Variants in ZNF385D observed in about 807,000 individuals in gnomAD.
ZNF385D encodes zinc finger protein 659.
Under a neutral mutation model 35.8 loss-of-function variants are expected in ZNF385D, and 15 were observed. The observed-to-expected ratio is 0.42, with a 90% CI of 0.28 to 0.64. ZNF385D has a LOEUF of 0.64. Among genes scored for constraint, ZNF385D ranks in the 30% least tolerant of loss-of-function variants. ZNF385D has a pLI of 0.23. For synonymous variants in ZNF385D, 212 were observed against 186.8 expected (o/e 1.13, Z -1.10); for missense variants, 474 against 494.6 (o/e 0.96, Z 0.39).
At chr3:21,729,205 A>C (rs1369408073) in intron 1 of ZNF385D, among the ~76,000 whole-genome samples, 2 of 152,172 alleles carry the variant, frequency 1.3e-5, no homozygotes, top group Non-Finnish European at 2.9e-5. Flanking sequence ...CAAAGTTACA[A>C]GGATTCAAGT....
intron 3 of ZNF385D, among the ~76,000 whole-genome samples, chr3:22,149,632 C>T (rs1429695580): frequency 1.3e-5 from 2 of 152,154 alleles, no homozygotes; most frequent in African/African-American, 4.8e-5. Context: ...AATTCAACTA[C>T]TTGGGTCCAT....
intron 3 of ZNF385D, among the ~76,000 whole-genome samples, chr3:21,900,476 AAAAC>A (rs1699346554): frequency 6.6e-6 from 1 of 152,154 alleles, no homozygotes; most frequent in South Asian, 2.1e-4. Flanking sequence ...AACAAAAAGA[AAAAC>A]AAAGATCTTA....
intron 3 of ZNF385D, among the ~76,000 whole-genome samples, chr3:21,826,238 A>G (rs1694614778): frequency 6.6e-6 from 1 of 152,216 alleles, no homozygotes; most frequent in Admixed American, 6.5e-5. Flanking sequence ...CTGACTACAA[A>G]TTAGAATATG....
At chr3:22,093,785 T>A (rs1354039973) in intron 3 of ZNF385D, among the ~76,000 whole-genome samples, 3 of 152,176 alleles carry the variant, frequency 2.0e-5, no homozygotes, top group Non-Finnish European at 4.4e-5. Flanking sequence ...CACAGTTGTT[T>A]AGCATTAGTT....
chr3:21,591,809 G>A (rs765638558), intron 2 of ZNF385D, among the ~76,000 whole-genome samples: 7 of 152,050 alleles, frequency 4.6e-5, no homozygotes, highest in Non-Finnish European at 1.0e-4. Flanking sequence ...TTTTCCAGTT[G>A]TAATTCCTTC....
chr3:22,233,042 TACAA>T (rs1167236313), intron 2 of ZNF385D, among the ~76,000 whole-genome samples: 8 of 152,166 alleles, frequency 5.3e-5, no homozygotes, highest in Non-Finnish European at 1.2e-4. Context: ...GGTTTTCTCT[TACAA>T]ACCATGATGC....
chr3:21,859,181 C>T (rs766326014), intron 3 of ZNF385D, among the ~76,000 whole-genome samples: 22 of 151,898 alleles, frequency 1.4e-4, no homozygotes, highest in Admixed American at 6.6e-4. Context: ...AGATGAAAAC[C>T]AAAAAACAGC....
At chr3:22,208,264 A>G (rs1302753258) in intron 2 of ZNF385D, among the ~76,000 whole-genome samples, 1 of 151,942 alleles carries the variant, frequency 6.6e-6, no homozygotes, top group African/African-American at 2.4e-5. Context: ...GTCATAAAAT[A>G]TATGAGATCC....
rs1030491258 is a variant in ZNF385D at position 22,303,998 on chromosome 3, G to A, written c.106+68452C>T. Among the ~76,000 whole-genome samples the A allele has an allele frequency of 7.9e-5, 12 of 152,150 alleles. No individual in the cohort carries two copies. In the South Asian group the frequency reaches 1.0e-3, roughly 13 times the overall value. On this transcript the variant is annotated intron_variant, in intron 2 of 5. Coordinates refer to the ZNF385D transcript ENST00000494108. ...TCACCATGTTGGCCAGGCTGGTCTCGAACTCCTGACCTCAGGTAAGCCGCC... is the reference window on the plus strand; with the variant it reads ...TCACCATGTTGGCCAGGCTGGTCTCAAACTCCTGACCTCAGGTAAGCCGCC...
intron 3 of ZNF385D, among the ~76,000 whole-genome samples, chr3:21,871,604 T>C (rs1697693679): frequency 1.3e-5 from 2 of 152,162 alleles, no homozygotes; most frequent in Admixed American, 1.3e-4. Flanking sequence ...TGTCAATGGT[T>C]ACACCTTCTA....
At chr3:21,471,318 CA>C (rs1401738144) in intron 4 of ZNF385D, among the ~76,000 whole-genome samples, 1 of 145,204 alleles carries the variant, frequency 6.9e-6, no homozygotes, top group East Asian at 2.0e-4. Context: ...CACACACACA[CA>C]CACACACACA....
chr3:22,246,675 T>C (rs768959979), intron 2 of ZNF385D, among the ~76,000 whole-genome samples: 27 of 152,148 alleles, frequency 1.8e-4, no homozygotes, highest in Admixed American at 5.2e-4. Context: ...GTTTTTCTAA[T>C]CTATGATCAA....
rs182746670 is a variant in ZNF385D at position 21,488,712 on chromosome 3, T to A, written c.439+22149A>T. Among the ~76,000 whole-genome samples the A allele has an allele frequency of 3.5e-3, 535 of 152,194 alleles. 4 individuals carry two copies. The highest frequency in any genetic ancestry group is 7.0e-3 in the South Asian group (34 of 4,828). On this transcript the variant is annotated intron_variant, in intron 4 of 7. Coordinates refer to ENST00000281523, the MANE Select transcript of ZNF385D (RefSeq NM_024697.3). ...TGTAGAAACAGGATAGAAATGGCAT[T>A]AAAAAAATGGCAACTGGAAGAGACT...
chr3:22,230,287 C>G (rs548757469), intron 2 of ZNF385D, among the ~76,000 whole-genome samples: 1 of 152,180 alleles, frequency 6.6e-6, no homozygotes, highest in African/African-American at 2.4e-5. Flanking sequence ...TGGATTTATC[C>G]TATAAAAAAA....
At chr3:21,935,700 G>C (rs1464557440) in intron 3 of ZNF385D, among the ~76,000 whole-genome samples, 1 of 151,564 alleles carries the variant, frequency 6.6e-6, no homozygotes, top group Non-Finnish European at 1.5e-5. Context: ...GGCAGACTCA[G>C]TTTCCCTAAA....
At chr3:21,703,731 T>G (rs1007699349) in intron 1 of ZNF385D, among the ~76,000 whole-genome samples, 2 of 152,164 alleles carry the variant, frequency 1.3e-5, no homozygotes, top group African/African-American at 4.8e-5. Context: ...TGTTGGCTCA[T>G]GAAGCTGGCC....
chr3:21,902,195 C>A (rs1038109993), intron 3 of ZNF385D, among the ~76,000 whole-genome samples: 1 of 152,128 alleles, frequency 6.6e-6, no homozygotes, highest in Admixed American at 6.6e-5. Flanking sequence ...TTAAAACCTT[C>A]AAGGATACAC....
chr3:22,343,037 T>C (rs1014737049), intron 2 of ZNF385D, among the ~76,000 whole-genome samples: 1 of 152,248 alleles, frequency 6.6e-6, no homozygotes, highest in Non-Finnish European at 1.5e-5. Context: ...ATCAAATATC[T>C]CATTAATATT....
intron 3 of ZNF385D, among the ~76,000 whole-genome samples, chr3:22,027,951 G>A (rs1459325899): frequency 6.6e-6 from 1 of 152,160 alleles, no homozygotes; most frequent in African/African-American, 2.4e-5. Flanking sequence ...CCCTTTCTAG[G>A]ACATCCCTGA....
Sources: gnomAD v4.1 joint callset for allele counts (sites outside exome capture counted in the v4.1 genomes callset) on GRCh38, gnomAD v4.1.1 for gene constraint, MANE v1.5 for transcripts, NCBI Gene and HGNC (gene_info 2026-07-23, HGNC 2026-07-21) for gene names.